EFTUD2: variants seen among roughly 807,000 people sequenced by gnomAD.
The protein encoded by EFTUD2 is elongation factor Tu GTP binding domain containing 2, also known as 116 kDa U5 small nuclear ribonucleoprotein component.
A neutral mutation model predicts 114.3 loss-of-function variants in EFTUD2; 9 were observed. That is an observed-to-expected ratio of 0.08 (90% CI 0.05 to 0.14). The LOEUF (loss-of-function observed/expected upper bound fraction) is 0.14. Ranked by LOEUF, EFTUD2 falls within the 10% of genes least tolerant of loss-of-function variation. The pLI is 1.00. For synonymous variants in EFTUD2, 449 were observed against 462.3 expected (o/e 0.97, Z 0.37); for missense variants, 765 against 1,241.2 (o/e 0.62, Z 5.76).
intron 16 of EFTUD2, among the ~76,000 whole-genome samples, chr17:44,861,982 T>A (rs2050668275): frequency 6.6e-6 from 1 of 152,182 alleles, no homozygotes; most frequent in African/African-American, 2.4e-5. Flanking sequence ...GCCTTCTCTC[T>A]TGGTCAAAGA....
chr17:44,875,040 A>T (rs1227214322), intron 10 of EFTUD2, among the ~76,000 whole-genome samples: 1 of 152,060 alleles, frequency 6.6e-6, no homozygotes, highest in Admixed American at 6.6e-5. Flanking sequence ...GCCCAACTTT[A>T]CATGGTTGGT....
At chr17:44,890,463 C>T (rs1252499525) in intron 2 of EFTUD2, among the ~76,000 whole-genome samples, 2 of 151,494 alleles carry the variant, frequency 1.3e-5, no homozygotes, top group South Asian at 4.2e-4. Flanking sequence ...GAGGCTGAGG[C>T]GGGCAGATCA....
chr17:44,858,187 G>A (rs998320186), intron 19 of EFTUD2, among the ~76,000 whole-genome samples: 1 of 152,118 alleles, frequency 6.6e-6, no homozygotes, highest in African/African-American at 2.4e-5. Context: ...CTTTCAAAGT[G>A]TTGGGGTTAC....
intron 6 of EFTUD2, 84 bp downstream of exon 6, chr17:44,883,009 A>T: frequency 7.3e-7 from 1 of 1,360,750 alleles, no homozygotes; most frequent in Non-Finnish European, 1.0e-6. Flanking sequence ...TATAGAGAAC[A>T]GGAAGGGTGA....
At chr17:44,856,659 A>G (rs533599433) in intron 20 of EFTUD2, among the ~76,000 whole-genome samples, 19 of 152,118 alleles carry the variant, frequency 1.2e-4, no homozygotes, top group Non-Finnish European at 2.4e-4. Flanking sequence ...ACAACAAAAA[A>G]TAAAAAAATT....
chr17:44,886,121 C>A (rs2051167552), intron 3 of EFTUD2, among the ~76,000 whole-genome samples: 1 of 152,120 alleles, frequency 6.6e-6, no homozygotes, highest in Non-Finnish European at 1.5e-5. Flanking sequence ...CCTATAATCC[C>A]AGCTACTAGG....
chr17:44,859,445 C>A, intron 18 of EFTUD2: 1 of 552,568 alleles, frequency 1.8e-6, no homozygotes, highest in Admixed American at 3.1e-5. Flanking sequence ...CAAACTCTAC[C>A]CTATACCCAT....
intron 2 of EFTUD2, among the ~76,000 whole-genome samples, chr17:44,889,117 AG>A (rs2051230668): frequency 6.6e-6 from 1 of 152,158 alleles, no homozygotes; most frequent in South Asian, 2.1e-4. Context: ...TGAAAGCCAA[AG>A]GAAGAGAGTA....
At chr17:44,894,275 T>C (rs1426900208) in intron 2 of EFTUD2, 142 bp downstream of exon 2, 1 of 656,018 alleles carries the variant, frequency 1.5e-6, no homozygotes. Flanking sequence ...GAGGCCAAGG[T>C]GGGAGGATCA....
Position 44,886,758 on chromosome 17 carries a change from C to G in EFTUD2, c.106-8G>C, listed in dbSNP as rs569345310. 67 of 1,611,792 alleles carry G rather than the reference C, an allele frequency of 4.2e-5. No individual in the cohort carries two copies. The South Asian group carries it at 6.9e-4, about 17-fold the overall frequency. The stretch of plus-strand genomic sequence containing the variant: ...GTCGTCATCATCATCCATCTGAAAG[C>G]AAGAGGGAGAGGGAGAATCGAAGAG... On this transcript the variant is annotated splice_region_variant and splice_polypyrimidine_tract_variant and intron_variant, in intron 2 of 27. Transcript: ENST00000426333.
At chr17:44,890,636 G>A (rs1006553119) in intron 2 of EFTUD2, among the ~76,000 whole-genome samples, 1 of 147,824 alleles carries the variant, frequency 6.8e-6, no homozygotes, top group Admixed American at 6.7e-5. Flanking sequence ...AGGTTACAGT[G>A]AGCCGAGATC....
chr17:44,859,682 T>C, intron 18 of EFTUD2: 2 of 620,860 alleles, frequency 3.2e-6, no homozygotes, highest in South Asian at 2.0e-5. Context: ...ATACCCCCCA[T>C]CACTGCCCCC....
Position 44,859,158 on chromosome 17 carries a change from C to T in EFTUD2, c.1884G>A (p.Val628=), listed in dbSNP as rs1388166532. ...TTKVEESGEH[V]ILGTGELYLD... is the part of the protein sequence containing the mutation. ...GGTAGAGCTCCCCAGTGCCCAGGATCACATGCTCGCCAGACTCCTCCACCT... is the reference window on the plus strand; with the variant it reads ...GGTAGAGCTCCCCAGTGCCCAGGATTACATGCTCGCCAGACTCCTCCACCT... The change falls in exon 19 of 28, where the codon GTG becomes GTA. Residue 628 remains valine (V), a synonymous_variant. Transcript: ENST00000426333. 2 of 1,613,806 alleles carry T rather than the reference C, an allele frequency of 1.2e-6. No homozygotes were observed. Among genetic ancestry groups the T allele is most frequent in the Non-Finnish European group, 1.7e-6 (2 of 1,179,792 alleles).
intron 13 of EFTUD2, 48 bp from the exon 14 acceptor site, chr17:44,865,113 T>C: frequency 1.2e-6 from 2 of 1,612,082 alleles, no homozygotes; most frequent in South Asian, 1.1e-5. Context: ...AGCCTGAGCA[T>C]GGTGCTAGAG....
chr17:44,877,315 A>C (rs2050980551), intron 9 of EFTUD2, among the ~76,000 whole-genome samples: 1 of 152,228 alleles, frequency 6.6e-6, no homozygotes, highest in Non-Finnish European at 1.5e-5. Context: ...GTGCTCAAAA[A>C]ACGATGAGGC....
intron 9 of EFTUD2, among the ~76,000 whole-genome samples, chr17:44,876,912 G>A (rs1323738313): frequency 6.7e-6 from 1 of 149,522 alleles, no homozygotes; most frequent in African/African-American, 2.5e-5. Context: ...GAGCTGCTAG[G>A]CTAGGTGCAG....
intron 9 of EFTUD2, among the ~76,000 whole-genome samples, chr17:44,879,014 T>C (rs1328107865): frequency 6.6e-6 from 1 of 152,212 alleles, no homozygotes; most frequent in Non-Finnish European, 1.5e-5. Context: ...TATCTTTGTG[T>C]TTTCTGAATA....
Position 44,850,188 on chromosome 17 carries a change from G to C in EFTUD2, c.*1086C>G. On this transcript the variant is annotated 3_prime_UTR_variant, in exon 28 of 28. Transcript: ENST00000426333. ...GTTGTGTGGTCAGATGCTTGAAGCA[G>C]CTGTTGGGACCTGGGGCAGAAAGAT... The C allele has an allele frequency of 1.6e-6, 1 of 608,048 alleles. No homozygotes were observed. The highest frequency in any genetic ancestry group is 2.9e-6 in the Non-Finnish European group (1 of 341,594). The allele number at this position is 608,048 out of a possible 1,614,324, so 37.7% of individuals were successfully genotyped here. A position where few individuals can be genotyped will look rare whatever the true frequency, so the allele number is the denominator to read the frequency against.
chr17:44,859,874 G>C, intron 18 of EFTUD2, 31 bp downstream of exon 18: 1 of 1,613,462 alleles, frequency 6.2e-7, no homozygotes, highest in Admixed American at 1.7e-5. Context: ...GGATAGTGGG[G>C]CTTGGCGGCT....
Sources: gnomAD v4.1 joint callset for allele counts (sites outside exome capture counted in the v4.1 genomes callset) on GRCh38, gnomAD v4.1.1 for gene constraint, MANE v1.5 for transcripts, NCBI Gene and HGNC (gene_info 2026-07-23, HGNC 2026-07-21) for gene names.